The following PLCB1 variants were observed in gnomAD, a reference collection of about 807,000 sequenced individuals.
PLCB1 encodes the protein phospholipase C beta 1, also known as 1-phosphatidylinositol 4,5-bisphosphate phosphodiesterase beta-1.
In PLCB1, 46 loss-of-function variants were observed where a neutral mutation model predicts 161.8. The observed-to-expected ratio is 0.28, with a 90% CI of 0.22 to 0.36. PLCB1 has a LOEUF of 0.36. Ranked by LOEUF, PLCB1 falls within the 10% of genes least tolerant of loss-of-function variation. PLCB1 has a pLI of 1.00. For missense variants in PLCB1, 1,016 were observed against 1,472.5 expected, an observed-to-expected ratio of 0.69 and a Z score of 5.07; for synonymous variants, 517 against 503.7, an observed-to-expected ratio of 1.03 and a Z score of -0.35.
intron 31 of PLCB1, among the ~76,000 whole-genome samples, chr20:8,867,308 A>C (rs1987462037): frequency 6.6e-6 from 1 of 152,200 alleles, no homozygotes; most frequent in Admixed American, 6.5e-5. Context: ...GCCTTTGGAG[A>C]CCCAAGACTT....
chr20:8,769,859 A>G (rs1982575697), intron 26 of PLCB1, among the ~76,000 whole-genome samples: 1 of 152,166 alleles, frequency 6.6e-6, no homozygotes. Context: ...TTTTAGATTT[A>G]TATTGTGACA....
At chr20:8,414,471 C>T (rs1025993952) in intron 3 of PLCB1, among the ~76,000 whole-genome samples, 1 of 152,184 alleles carries the variant, frequency 6.6e-6, no homozygotes, top group Admixed American at 6.5e-5. Context: ...GCCTTAGACA[C>T]ACCCTCCCTT....
chr20:8,143,249 T>G (rs2051421937), intron 1 of PLCB1, among the ~76,000 whole-genome samples: 1 of 152,192 alleles, frequency 6.6e-6, no homozygotes, highest in African/African-American at 2.4e-5. Context: ...TACCTACTTC[T>G]TCTCAGCCTT....
At chr20:8,454,843 A>G (rs962195167) in intron 3 of PLCB1, among the ~76,000 whole-genome samples, 1 of 152,142 alleles carries the variant, frequency 6.6e-6, no homozygotes, top group African/African-American at 2.4e-5. Context: ...TATATATTTT[A>G]CTTACCAATT....
At chr20:8,318,875 T>G (rs1984778729) in intron 2 of PLCB1, among the ~76,000 whole-genome samples, 2 of 152,196 alleles carry the variant, frequency 1.3e-5, no homozygotes, top group African/African-American at 4.8e-5. Context: ...ATCTATTAAG[T>G]GTCAAAAGTG....
intron 3 of PLCB1, among the ~76,000 whole-genome samples, chr20:8,518,354 T>G (rs2122874241): frequency 6.6e-6 from 1 of 152,186 alleles, no homozygotes; most frequent in Non-Finnish European, 1.5e-5. Context: ...ATACTATATG[T>G]TTAGAATTAT....
intron 2 of PLCB1, among the ~76,000 whole-genome samples, chr20:8,365,559 A>G (rs1986681210): frequency 6.6e-6 from 1 of 152,218 alleles, no homozygotes; most frequent in Non-Finnish European, 1.5e-5. Flanking sequence ...TCAGAAGTGG[A>G]ATAAAGTTAA....
chr20:8,561,690 T>G (rs1986145340), intron 3 of PLCB1, among the ~76,000 whole-genome samples: 1 of 152,048 alleles, frequency 6.6e-6, no homozygotes, highest in Non-Finnish European at 1.5e-5. Flanking sequence ...TCAATTTGCA[T>G]GAGGATTAAA....
intron 2 of PLCB1, 119 bp from the exon 3 acceptor site, chr20:8,371,263 A>T (rs1986894861): frequency 3.2e-6 from 2 of 631,970 alleles, no homozygotes; most frequent in East Asian, 5.3e-5. Flanking sequence ...GAAATATCCC[A>T]ACTGCAGAGA....
At chr20:8,494,669 A>G (rs2122787059) in intron 3 of PLCB1, among the ~76,000 whole-genome samples, 1 of 151,834 alleles carries the variant, frequency 6.6e-6, no homozygotes, top group Non-Finnish European at 1.5e-5. Context: ...GTCAATTTCT[A>G]CTTCTTTCTT....
At chr20:8,299,458 A>G (rs1983794991) in intron 2 of PLCB1, among the ~76,000 whole-genome samples, 1 of 152,086 alleles carries the variant, frequency 6.6e-6, no homozygotes, top group Non-Finnish European at 1.5e-5. Context: ...TTCTCAATCA[A>G]CAGTCTTGCC....
chr20:8,289,866 T>G (rs947121048), intron 2 of PLCB1, among the ~76,000 whole-genome samples: 1 of 152,192 alleles, frequency 6.6e-6, no homozygotes, highest in South Asian at 2.1e-4. Context: ...TCCCAATGGC[T>G]TGAAAGTAAC....
chr20:8,508,760 C>A (rs538116199), intron 3 of PLCB1, among the ~76,000 whole-genome samples: 1 of 151,872 alleles, frequency 6.6e-6, no homozygotes, highest in East Asian at 1.9e-4. Flanking sequence ...TAAAAATGTG[C>A]AAATTTAAAA....
intron 2 of PLCB1, among the ~76,000 whole-genome samples, chr20:8,187,772 C>T (rs1032094549): frequency 1.3e-5 from 2 of 151,984 alleles, no homozygotes; most frequent in Non-Finnish European, 1.5e-5. Flanking sequence ...ATTCCTACTC[C>T]CCATATAGTA....
intron 25 of PLCB1, among the ~76,000 whole-genome samples, chr20:8,761,889 C>G (rs932497135): frequency 1.3e-5 from 2 of 151,676 alleles, no homozygotes; most frequent in African/African-American, 4.8e-5. Context: ...CCACTGTGCC[C>G]CTCCCAACAA....
At position 8,757,185 on chromosome 20, in the gene PLCB1, C is replaced by T. The variant is rs370608944; in HGVS notation, c.2656+7C>T. ...CACAGCCAGCCAGCTCCAGGTAAGC[C>T]ATCTGGAAAGAGCTGGACAACATGA... On this transcript the variant is annotated splice_region_variant and intron_variant, in intron 24 of 31. Transcript: ENST00000338037. 170 of 1,606,370 alleles carry T rather than the reference C, an allele frequency of 1.1e-4. No individual in the cohort carries two copies. Among genetic ancestry groups the T allele is most frequent in the Non-Finnish European group, 1.4e-4 (165 of 1,177,118 alleles).
chr20:8,529,834 C>T (rs1271610771), intron 3 of PLCB1, among the ~76,000 whole-genome samples: 1 of 151,978 alleles, frequency 6.6e-6, no homozygotes, highest in African/African-American at 2.4e-5. Flanking sequence ...GTCATTGCCC[C>T]CAAGTGCACA....
chr20:8,624,928 T>G (rs183018580), intron 3 of PLCB1, among the ~76,000 whole-genome samples: 20 of 152,332 alleles, frequency 1.3e-4, no homozygotes, highest in Admixed American at 1.3e-3. Context: ...TAGGATATTC[T>G]GCAGGTATTT....
intron 25 of PLCB1, 69 bp downstream of exon 25, chr20:8,760,529 G>T (rs1981968201): frequency 3.7e-6 from 4 of 1,077,068 alleles, no homozygotes; most frequent in Non-Finnish European, 1.4e-6. Context: ...ATTTAGAGGA[G>T]AGGAAATTTC....
Sources: allele counts gnomAD v4.1 joint callset (sites outside exome capture counted in the v4.1 genomes callset), GRCh38; gene constraint gnomAD v4.1.1; transcripts MANE v1.5; gene names NCBI Gene and HGNC (gene_info 2026-07-23, HGNC 2026-07-21).